MEI4: variants seen among roughly 807,000 people sequenced by gnomAD.
MEI4 encodes meiosis-specific protein MEI4.
In MEI4, 27 loss-of-function variants were observed where a neutral mutation model predicts 31.4. The observed-to-expected ratio is 0.86, with a 90% CI of 0.63 to 1.19. The LOEUF (loss-of-function observed/expected upper bound fraction) is 1.19, where lower values mean the gene tolerates loss of function less well. Ranked by LOEUF, MEI4 falls within the 50% of genes most tolerant of loss-of-function variation. The pLI is 0.00. For missense variants in MEI4, 329 were observed against 398.9 expected (o/e 0.82, Z 1.49); for synonymous variants, 122 against 145.4 (o/e 0.84, Z 1.16).
At chr6:77,845,196 C>T (rs1045134091) in intron 4 of MEI4, among the ~76,000 whole-genome samples, 6 of 152,138 alleles carry the variant, frequency 3.9e-5, no homozygotes, top group Non-Finnish European at 8.8e-5. Flanking sequence ...AGGTAAAACC[C>T]AAGATGCTGG....
At chr6:77,814,528 A>G (rs1769646597) in intron 3 of MEI4, among the ~76,000 whole-genome samples, 1 of 152,112 alleles carries the variant, frequency 6.6e-6, no homozygotes, top group Non-Finnish European at 1.5e-5. Flanking sequence ...TGGAAGGAAT[A>G]AAAACTCAGG....
At chr6:77,807,473 T>C (rs1217835109) in intron 3 of MEI4, among the ~76,000 whole-genome samples, 2 of 152,120 alleles carry the variant, frequency 1.3e-5, no homozygotes, top group East Asian at 3.9e-4. Flanking sequence ...CCCCCAGTCT[T>C]AACAATAGAC....
intron 3 of MEI4, among the ~76,000 whole-genome samples, chr6:77,808,555 G>A (rs1769497131): frequency 6.6e-6 from 1 of 152,130 alleles, no homozygotes; most frequent in Non-Finnish European, 1.5e-5. Flanking sequence ...TCCTGGGTTA[G>A]TCTGGTATTT....
intron 4 of MEI4, among the ~76,000 whole-genome samples, chr6:77,867,694 T>G: frequency 6.6e-6 from 1 of 152,214 alleles, no homozygotes; most frequent in South Asian, 2.1e-4. Context: ...AAATACCATT[T>G]GACCCAGCCA....
At chr6:77,734,232 A>G (rs987136706) in intron 2 of MEI4, among the ~76,000 whole-genome samples, 2 of 152,104 alleles carry the variant, frequency 1.3e-5, no homozygotes, top group Non-Finnish European at 2.9e-5. Flanking sequence ...TGCGGTGTTA[A>G]CATCTCCCAT....
chr6:77,736,991 G>A (rs745604883), intron 2 of MEI4, among the ~76,000 whole-genome samples: 2 of 152,292 alleles, frequency 1.3e-5, no homozygotes, highest in South Asian at 2.1e-4. Context: ...GGCAAATGAT[G>A]TAATATGATA....
chr6:77,822,088 T>C (rs1769840195), intron 3 of MEI4, among the ~76,000 whole-genome samples: 1 of 152,174 alleles, frequency 6.6e-6, no homozygotes, highest in Admixed American at 6.6e-5. Context: ...TTCTTTTTCT[T>C]TTGACCATTG....
intron 4 of MEI4, among the ~76,000 whole-genome samples, chr6:77,898,571 G>A (rs1766130103): frequency 6.6e-6 from 1 of 152,084 alleles, no homozygotes; most frequent in South Asian, 2.1e-4. Context: ...TGCCTTTGTA[G>A]TAGTAAGAAA....
chr6:77,883,033 G>A (rs894001052), intron 4 of MEI4, among the ~76,000 whole-genome samples: 1 of 151,710 alleles, frequency 6.6e-6, no homozygotes, highest in African/African-American at 2.4e-5. Flanking sequence ...TGCTTATAAC[G>A]CATATGTCCA....
intron 4 of MEI4, among the ~76,000 whole-genome samples, chr6:77,845,445 A>G (rs1770460997): frequency 6.6e-6 from 1 of 152,132 alleles, no homozygotes; most frequent in South Asian, 2.1e-4. Context: ...TATTCACTGT[A>G]TGACTGGATC....
In MEI4 at chr6:77,743,853, A is replaced by C. The variant is rs572128816; in HGVS notation, c.233-17277A>C. On this transcript the variant is annotated intron_variant, in intron 2 of 4. Transcript: ENST00000684080. ...CAGCCACCGCTGCTGATACGCAGGC[A>C]AACAGGGTGTGCAGTGGACCTCTAG... Among the ~76,000 whole-genome samples, 213 of 152,354 alleles carry C rather than the reference A, an allele frequency of 1.4e-3. 1 individual carries two copies. Among genetic ancestry groups the C allele is most frequent in the African/African-American group, 4.5e-3 (187 of 41,590 alleles).
At chr6:77,803,846 G>C (rs1454043902) in intron 3 of MEI4, among the ~76,000 whole-genome samples, 1 of 152,108 alleles carries the variant, frequency 6.6e-6, no homozygotes, top group Admixed American at 6.5e-5. Flanking sequence ...TTGTCTCAGA[G>C]GAGTACCCAG....
At chr6:77,686,413 C>G (rs1769054642) in intron 1 of MEI4, among the ~76,000 whole-genome samples, 1 of 151,860 alleles carries the variant, frequency 6.6e-6, no homozygotes, top group Non-Finnish European at 1.5e-5. Context: ...TGTTCCTTCC[C>G]TCTCTTTTTC....
rs114003702 is a variant in MEI4, at chr6:77,898,177, T to C, written c.901-24912T>C. Among the ~76,000 whole-genome samples, 1,440 of 152,144 alleles carry C rather than the reference T, an allele frequency of 9.5e-3. 18 individuals carry two copies. The highest frequency in any genetic ancestry group is 0.032 in the African/African-American group (1,339 of 41,540). ...TTAGCTGCTTTGGTGCTTTCTCCTA[T>C]GCTTCAGAAGTTTCAAGCTAGTTAG... On this transcript the variant is annotated intron_variant, in intron 4 of 4. Coordinates refer to ENST00000684080, the MANE Select transcript of MEI4 (RefSeq NM_001322247.2).
At chr6:77,912,668 C>T (rs1766458765) in intron 4 of MEI4, among the ~76,000 whole-genome samples, 1 of 151,968 alleles carries the variant, frequency 6.6e-6, no homozygotes, top group Admixed American at 6.6e-5. Flanking sequence ...TTTCAGTTTT[C>T]TCCAACTTTA....
intron 2 of MEI4, among the ~76,000 whole-genome samples, chr6:77,710,829 A>G (rs759408012): frequency 6.6e-6 from 1 of 152,216 alleles, no homozygotes; most frequent in Non-Finnish European, 1.5e-5. Flanking sequence ...TTATTCCAAC[A>G]TACAACTGAG....
At chr6:77,808,979 C>A (rs1292998329) in intron 3 of MEI4, among the ~76,000 whole-genome samples, 1 of 152,182 alleles carries the variant, frequency 6.6e-6, no homozygotes, top group Non-Finnish European at 1.5e-5. Flanking sequence ...GCAAATGAGG[C>A]AATGTCTGAA....
At position 77,858,864 on chromosome 6, in the gene MEI4, GA is replaced by G. The variant is rs373789260; in HGVS notation, c.900+29810del. ...TTCTAAATCTTAGGCACCTTTAATG[GA>G]AAAAAAATAATTTTGTAAGGAAAGG... is the stretch of plus-strand genomic sequence containing the variant. On this transcript the variant is annotated intron_variant, in intron 4 of 4. Coordinates refer to ENST00000684080, the MANE Select transcript of MEI4 (RefSeq NM_001322247.2). Among the ~76,000 whole-genome samples the G allele has an allele frequency of 9.2e-4, 136 of 147,258 alleles. 2 individuals carry two copies. In the South Asian group the frequency reaches 0.027, roughly 29 times the overall value.
At chr6:77,826,471 G>C (rs1311748221) in intron 3 of MEI4, among the ~76,000 whole-genome samples, 1 of 152,072 alleles carries the variant, frequency 6.6e-6, no homozygotes, top group African/African-American at 2.4e-5. Context: ...TCCCAACTTA[G>C]ATCAGCTGGA....
Sources: gnomAD v4.1 joint callset for allele counts (sites outside exome capture counted in the v4.1 genomes callset) on GRCh38, gnomAD v4.1.1 for gene constraint, MANE v1.5 for transcripts, NCBI Gene and HGNC (gene_info 2026-07-23, HGNC 2026-07-21) for gene names.